Variants in TIAM1 observed in about 807,000 individuals in gnomAD.
The protein encoded by TIAM1 is rho guanine nucleotide exchange factor TIAM1.
TIAM1 carries 65 observed loss-of-function variants against 163.5 expected under a neutral mutation model. That is an observed-to-expected ratio of 0.40 (90% confidence interval 0.33 to 0.49). The LOEUF (loss-of-function observed/expected upper bound fraction) is 0.49. Ranked by LOEUF, TIAM1 falls within the 20% of genes least tolerant of loss-of-function variation. TIAM1 has a pLI of 0.77. For missense variants in TIAM1, 1,789 were observed against 2,044.7 expected, an observed-to-expected ratio of 0.87 and a Z score of 2.41; for synonymous variants, 833 against 810.1, an observed-to-expected ratio of 1.03 and a Z score of -0.48.
chr21:31,292,671 T>C (rs981460291), intron 2 of TIAM1, among the ~76,000 whole-genome samples: 2 of 106,126 alleles, frequency 1.9e-5, no homozygotes, highest in Admixed American at 9.2e-5. Context: ...TGCCTGGCAC[T>C]TTTTTTTTTT....
At chr21:31,164,325 G>C (rs1237461108) in intron 16 of TIAM1, among the ~76,000 whole-genome samples, 1 of 151,218 alleles carries the variant, frequency 6.6e-6, no homozygotes, top group African/African-American at 2.4e-5. Flanking sequence ...GGGAGGCGGA[G>C]CTTGCAGTGA....
chr21:31,244,479 C>A (rs925439917), intron 6 of TIAM1, among the ~76,000 whole-genome samples: 1 of 152,226 alleles, frequency 6.6e-6, no homozygotes, highest in Non-Finnish European at 1.5e-5. Context: ...AATCCCAGCA[C>A]TTTGGTAGGC....
intron 2 of TIAM1, among the ~76,000 whole-genome samples, chr21:31,327,008 C>T (rs2833374): frequency 0.21 from 31,477 of 152,114 alleles, 3,802 homozygotes; most frequent in Middle Eastern, 0.37. Flanking sequence ...AGATGTGTTC[C>T]GGCCGCGATT....
At chr21:31,534,247 T>C (rs990933870) in intron 1 of TIAM1, among the ~76,000 whole-genome samples, 3 of 152,248 alleles carry the variant, frequency 2.0e-5, no homozygotes, top group African/African-American at 4.8e-5. Context: ...CATTGTCTTC[T>C]ATGGATCTCC....
intron 2 of TIAM1, among the ~76,000 whole-genome samples, chr21:31,460,008 T>TG (rs2147346557): frequency 6.6e-6 from 1 of 152,228 alleles, no homozygotes; most frequent in South Asian, 2.1e-4. Context: ...ACAAGGTCCA[T>TG]GGGGGACCCA....
At chr21:31,480,318 G>C (rs779815993) in intron 1 of TIAM1, among the ~76,000 whole-genome samples, 5 of 152,130 alleles carry the variant, frequency 3.3e-5, no homozygotes, top group Non-Finnish European at 7.4e-5. Context: ...GGCCCACTTT[G>C]TTTATTTCTT....
intron 4 of TIAM1, among the ~76,000 whole-genome samples, chr21:31,265,303 C>T (rs865986410): frequency 1.3e-5 from 2 of 150,980 alleles, no homozygotes; most frequent in South Asian, 2.1e-4. Context: ...CACTAGACCC[C>T]GAAGCAGGCA....
chr21:31,224,353 C>A (rs1006877937), intron 7 of TIAM1, among the ~76,000 whole-genome samples: 4 of 152,166 alleles, frequency 2.6e-5, no homozygotes, highest in Non-Finnish European at 1.5e-5. Context: ...GCTTGAATGT[C>A]CATCAAGAAA....
At chr21:31,300,865 A>G (rs1414693030) in intron 2 of TIAM1, among the ~76,000 whole-genome samples, 2 of 152,258 alleles carry the variant, frequency 1.3e-5, no homozygotes, top group African/African-American at 2.4e-5. Flanking sequence ...TGCTAATTCT[A>G]TAATACTTAG....
rs1446177199 is a variant in TIAM1, at chr21:31,266,159, T to C, written c.814A>G (p.Met272Val). 1.2e-6 allele frequency: 2 copies of C among 1,614,204 alleles called. No homozygotes were observed. Among genetic ancestry groups the C allele is most frequent in the South Asian group, 1.1e-5 (1 of 91,088 alleles). Residue 272 changes from methionine (M) to valine (V), a missense_variant, in exon 4 of 28, where the codon ATG (methionine) becomes GTG (valine). This residue lies in a region of TIAM1 where 555 missense variants were observed against 564.9 expected (regional missense o/e 0.98). Coordinates refer to ENST00000541036, the MANE Select transcript of TIAM1 (RefSeq NM_001353694.2). Reference protein sequence around the residue: ...SDIPNLANHKMPPAAAEETPP... With the variant: ...SDIPNLANHKVPPAAAEETPP... The stretch of plus-strand genomic sequence containing the variant: ...GTCTCTTCAGCAGCAGCTGGTGGCA[T>C]CTTATGGTTTGCAAGATTGGGAATA...
chr21:31,375,221 G>A (rs2147162996), intron 2 of TIAM1, among the ~76,000 whole-genome samples: 1 of 152,214 alleles, frequency 6.6e-6, no homozygotes, highest in South Asian at 2.1e-4. Flanking sequence ...ACATCAGAAA[G>A]TCACTGTTTA....
chr21:31,210,688 A>AG lies in TIAM1; in HGVS notation c.2218-474dup, dbSNP rs2086781856. On this transcript the variant is annotated intron_variant, in intron 10 of 27. Transcript: ENST00000541036. The stretch of plus-strand genomic sequence containing the variant: ...AAGAAAAAGAAAGAAAGAAAGAAAA[A>AG]GAAAGAAAGAAAGAAAGAGAAAGAA... 2.0e-5 allele frequency among the ~76,000 whole-genome samples: 2 copies of AG among 100,010 alleles called. 1 individual carries two copies. Among genetic ancestry groups the AG allele is most frequent in the Admixed American group, 2.1e-4 (2 of 9,388 alleles). 65.6% of individuals were successfully genotyped at this position (100,010 alleles called of 152,430 possible). A position where few individuals can be genotyped will look rare whatever the true frequency, so the allele number is the denominator to read the frequency against.
intron 1 of TIAM1, among the ~76,000 whole-genome samples, chr21:31,514,166 A>G (rs765477369): frequency 6.6e-6 from 1 of 152,088 alleles, no homozygotes; most frequent in African/African-American, 2.4e-5. Context: ...AAGAGGTGAA[A>G]TTAAGAACAG....
intron 2 of TIAM1, among the ~76,000 whole-genome samples, chr21:31,295,792 A>C (rs2074237152): frequency 6.6e-6 from 1 of 152,150 alleles, no homozygotes; most frequent in African/African-American, 2.4e-5. Flanking sequence ...TAGGATTCTC[A>C]GGTTCTTGAC....
intron 2 of TIAM1, among the ~76,000 whole-genome samples, chr21:31,311,144 G>A (rs2146988950): frequency 6.8e-6 from 1 of 147,728 alleles, no homozygotes; most frequent in East Asian, 2.0e-4. Flanking sequence ...TCTGCCATCA[G>A]GAAATGGTTT....
chr21:31,139,533 A>C (rs2082751687), intron 22 of TIAM1, among the ~76,000 whole-genome samples: 1 of 152,128 alleles, frequency 6.6e-6, no homozygotes, highest in Non-Finnish European at 1.5e-5. Context: ...TCAACACCAA[A>C]ATATGGTAAG....
intron 1 of TIAM1, among the ~76,000 whole-genome samples, chr21:31,482,834 C>CT (rs1218696646): frequency 2.6e-5 from 4 of 152,188 alleles, no homozygotes; most frequent in Non-Finnish European, 5.9e-5. Flanking sequence ...TGACCCAGAG[C>CT]AATGTAAGGA....
At chr21:31,360,597 A>G (rs2268231) in intron 2 of TIAM1, among the ~76,000 whole-genome samples, 30,957 of 152,106 alleles carry the variant, frequency 0.2, 3,242 homozygotes, top group Middle Eastern at 0.33. Context: ...AAACAAGACA[A>G]TAAAATGCAA....
chr21:31,231,369 C>A (rs1466475091), intron 6 of TIAM1, among the ~76,000 whole-genome samples: 2 of 152,136 alleles, frequency 1.3e-5, no homozygotes, highest in Non-Finnish European at 2.9e-5. Flanking sequence ...GTGTAGTGCA[C>A]TTGGAACCCC....
Sources: gnomAD v4.1 joint callset for allele counts (sites outside exome capture counted in the v4.1 genomes callset) on GRCh38, gnomAD v4.1.1 for gene constraint, gnomAD v4.1.1 regional missense constraint, MANE v1.5 for transcripts, NCBI Gene and HGNC (gene_info 2026-07-23, HGNC 2026-07-21) for gene names.